Variants in LINGO2 observed in about 807,000 individuals in gnomAD.
The protein encoded by LINGO2 is leucine-rich repeat and immunoglobulin-like domain-containing nogo receptor-interacting protein 2.
Under a neutral mutation model 30.6 loss-of-function variants are expected in LINGO2, and 14 were observed. The observed-to-expected ratio is 0.46, with a 90% CI of 0.30 to 0.72. The LOEUF is 0.72. Ranked by LOEUF, LINGO2 falls within the 30% of genes least tolerant of loss-of-function variation. The pLI, the probability that LINGO2 is intolerant of heterozygous loss-of-function variation, is 0.07. For missense variants in LINGO2, 729 were observed against 751.7 expected, an observed-to-expected ratio of 0.97 and a Z score of 0.35; for synonymous variants, 317 against 288.5, an observed-to-expected ratio of 1.10 and a Z score of -1.00.
rs73644085 is a variant in LINGO2, at chr9:28,608,278, G to C, written c.-365+61922C>G. ...TTTTAGAACACACTGACATGGTAAG[G>C]CTCTTTATAATAATGAATCTTTTAT... On this transcript the variant is annotated intron_variant, in intron 1 of 5. Coordinates refer to ENST00000379992, the Ensembl canonical transcript of LINGO2. Among the ~76,000 whole-genome samples the C allele has an allele frequency of 9.2e-3, 1,392 of 151,224 alleles. 21 individuals are homozygous for C. Among genetic ancestry groups the C allele is most frequent in the African/African-American group, 0.03 (1,225 of 41,336 alleles).
At chr9:28,606,745 T>A (rs778086475) in intron 1 of LINGO2, among the ~76,000 whole-genome samples, 2 of 152,088 alleles carry the variant, frequency 1.3e-5, no homozygotes, top group Admixed American at 6.6e-5. Flanking sequence ...ACATTTCCAA[T>A]ATCATCCTTA....
chr9:28,309,767 A>T (rs1824535587), intron 3 of LINGO2, among the ~76,000 whole-genome samples: 1 of 152,060 alleles, frequency 6.6e-6, no homozygotes, highest in South Asian at 2.1e-4. Context: ...TGCAAGTTAC[A>T]TAAAAAACTC....
At chr9:28,949,342 A>G in the LINGO2 span, among the ~76,000 whole-genome samples, 1 of 152,278 alleles carries the variant, frequency 6.6e-6, no homozygotes, top group Middle Eastern at 3.4e-3. Context: ...AAGATTAACA[A>G]AATAGATAGA....
the LINGO2 span, among the ~76,000 whole-genome samples, chr9:28,676,652 C>A: frequency 6.6e-6 from 1 of 152,038 alleles, no homozygotes; most frequent in Non-Finnish European, 1.5e-5. Context: ...GTGGTGGTGG[C>A]TCTAAGATTT....
chr9:28,015,223 T>G (rs1052381419), intron 4 of LINGO2, among the ~76,000 whole-genome samples: 4 of 152,184 alleles, frequency 2.6e-5, no homozygotes, highest in Non-Finnish European at 5.9e-5. Flanking sequence ...TTCCTCTTAT[T>G]AAACCTACTG....
chr9:28,058,068 G>T (rs1320779472), intron 4 of LINGO2, among the ~76,000 whole-genome samples: 1 of 152,060 alleles, frequency 6.6e-6, no homozygotes, highest in Non-Finnish European at 1.5e-5. Flanking sequence ...CTGACATTTA[G>T]TAAGTGCCCA....
chr9:28,815,221 G>A, the LINGO2 span, among the ~76,000 whole-genome samples: 2 of 152,284 alleles, frequency 1.3e-5, no homozygotes, highest in South Asian at 2.1e-4. Flanking sequence ...GTAAGTGATA[G>A]GTGAGCGAAA....
chr9:28,689,912 C>T, the LINGO2 span, among the ~76,000 whole-genome samples: 2 of 152,056 alleles, frequency 1.3e-5, no homozygotes, highest in Non-Finnish European at 2.9e-5. Flanking sequence ...AGATCACATC[C>T]TTTGTAGGAA....
chr9:27,959,024 T>A (rs1819711302), intron 5 of LINGO2, among the ~76,000 whole-genome samples: 1 of 152,176 alleles, frequency 6.6e-6, no homozygotes, highest in Non-Finnish European at 1.5e-5. Context: ...GGTAATTTGT[T>A]TCAAGAAATT....
chr9:28,344,824 G>A (rs571993783), intron 3 of LINGO2, among the ~76,000 whole-genome samples: 7 of 152,050 alleles, frequency 4.6e-5, no homozygotes, highest in African/African-American at 7.2e-5. Flanking sequence ...AGCTAACTCC[G>A]GAATATAGCA....
At chr9:28,999,326 G>A in the LINGO2 span, among the ~76,000 whole-genome samples, 2 of 152,042 alleles carry the variant, frequency 1.3e-5, no homozygotes, top group African/African-American at 4.8e-5. Context: ...TTCTCCAGGG[G>A]TGATTTGGTT....
intron 1 of LINGO2, among the ~76,000 whole-genome samples, chr9:28,608,406 C>T (rs1455654441): frequency 6.6e-6 from 1 of 151,956 alleles, no homozygotes; most frequent in African/African-American, 2.4e-5. Flanking sequence ...TCTACAGTCT[C>T]TTCCAATTCT....
At chr9:28,336,557 A>G (rs982893753) in intron 3 of LINGO2, among the ~76,000 whole-genome samples, 4 of 152,136 alleles carry the variant, frequency 2.6e-5, no homozygotes, top group African/African-American at 9.7e-5. Flanking sequence ...TTACACTTAG[A>G]TCTACAATCC....
chr9:28,055,817 TAAA>T (rs775677601), intron 4 of LINGO2, among the ~76,000 whole-genome samples: 2 of 152,138 alleles, frequency 1.3e-5, no homozygotes, highest in African/African-American at 4.8e-5. Context: ...TAGTTTTATC[TAAA>T]AAAGTCTTCT....
the LINGO2 span, among the ~76,000 whole-genome samples, chr9:29,048,067 C>A: frequency 6.6e-6 from 1 of 151,868 alleles, no homozygotes; most frequent in African/African-American, 2.4e-5. Context: ...GCTGAGATCA[C>A]GCCACTGCAC....
At chr9:28,373,585 A>C (rs1820988372) in intron 2 of LINGO2, among the ~76,000 whole-genome samples, 1 of 152,134 alleles carries the variant, frequency 6.6e-6, no homozygotes, top group Non-Finnish European at 1.5e-5. Flanking sequence ...AACTAACATA[A>C]AACATCATGT....
intron 2 of LINGO2, among the ~76,000 whole-genome samples, chr9:28,465,577 C>T (rs1825268192): frequency 6.6e-6 from 1 of 152,134 alleles, no homozygotes; most frequent in Non-Finnish European, 1.5e-5. Context: ...GGACTCCGCC[C>T]TCTTTTACCC....
intron 1 of LINGO2, among the ~76,000 whole-genome samples, chr9:28,495,102 A>C (rs1468565754): frequency 1.3e-5 from 2 of 152,146 alleles, no homozygotes; most frequent in Non-Finnish European, 2.9e-5. Context: ...AGTCCTTTGT[A>C]GATTCTGGAT....
At chr9:29,049,618 TA>T in the LINGO2 span, among the ~76,000 whole-genome samples, 2 of 152,050 alleles carry the variant, frequency 1.3e-5, no homozygotes, top group South Asian at 4.1e-4. Context: ...TATTCAGTCA[TA>T]AAAAAAATGA....
Sources: gnomAD v4.1 joint callset for allele counts (sites outside exome capture counted in the v4.1 genomes callset) on GRCh38, gnomAD v4.1.1 for gene constraint, MANE v1.5 for transcripts, NCBI Gene and HGNC (gene_info 2026-07-23, HGNC 2026-07-21) for gene names.